The following STK40 variants were observed in gnomAD, a reference collection of about 807,000 sequenced individuals.
STK40 encodes the protein serine/threonine-protein kinase 40.
Under a neutral mutation model 47.9 loss-of-function variants are expected in STK40, and 13 were observed. The observed-to-expected ratio is 0.27, with a 90% CI of 0.18 to 0.43. The LOEUF (loss-of-function observed/expected upper bound fraction) is 0.43, where lower values mean the gene tolerates loss of function less well. Ranked by LOEUF, STK40 falls within the 20% of genes least tolerant of loss-of-function variation. The pLI, the probability that STK40 is intolerant of heterozygous loss-of-function variation, is 1.00. For missense variants in STK40, 460 were observed against 595.1 expected (o/e 0.77, Z 2.36); for synonymous variants, 225 against 243.2 (o/e 0.93, Z 0.69).
rs115127069 is a variant in STK40, at chr1:36,342,173, C to T, written c.1090-200G>A. Reference sequence around the variant, plus strand: ...ACCCCCTCCAGCCAACCTCAACTCCCCTTGCAGGCCGCCCTGCGGACCCGG... The same window carrying T: ...ACCCCCTCCAGCCAACCTCAACTCCTCTTGCAGGCCGCCCTGCGGACCCGG... On this transcript the variant is annotated intron_variant, in intron 10 of 10. Coordinates refer to ENST00000373132, the MANE Select transcript of STK40 (RefSeq NM_001282547.2). 2,457 of 595,978 alleles carry T rather than the reference C, an allele frequency of 4.1e-3. 49 individuals carry two copies. Among genetic ancestry groups the T allele is most frequent in the African/African-American group, 0.04 (2,161 of 53,870 alleles). 36.9% of individuals were successfully genotyped at this position (595,978 alleles called of 1,614,324 possible). A position where few individuals can be genotyped will look rare whatever the true frequency, so the allele number is the denominator to read the frequency against.
intron 3 of STK40, 130 bp downstream of exon 3, chr1:36,358,607 G>A (rs1488834200): frequency 8.6e-7 from 1 of 1,167,548 alleles, no homozygotes; most frequent in Non-Finnish European, 1.2e-6. Context: ...CTGTGAACTT[G>A]ATTGCTTCTC....
In STK40 at chr1:36,361,304, G is replaced by A. The variant is rs56314546; in HGVS notation, c.29C>T (p.Ala10Val). MKRRASDRG[A>V]GETSARAKAL... ...CTTGGCCCTGGCCGACGTTTCCCCA[G>A]CTCCTCTGTCTGATGCTCTCCGCTT... is the stretch of plus-strand genomic sequence containing the variant. The change falls in exon 2 of 11, where the codon GCT (alanine) becomes GTT (valine). Residue 10 changes from alanine to valine, a missense_variant. Physicochemically the swap from Ala to Val is moderately conservative, Grantham distance 64. This residue lies in a region of STK40 where 277 missense variants were observed against 358.7 expected (regional missense o/e 0.77). Transcript: ENST00000373132. The A allele has an allele frequency of 3.1e-4, 508 of 1,614,226 alleles. 1 individual carries two copies. Among genetic ancestry groups the A allele is most frequent in the Middle Eastern group, 9.9e-4 (6 of 6,062 alleles).
Position 36,348,919 on chromosome 1 carries a change from G to A in STK40, c.624-104C>T. On this transcript the variant is annotated intron_variant, in intron 6 of 10. Transcript: ENST00000373132. ...CTGGGCCAACACCCAATCCTGAACA[G>A]TAGGAGGTAGGCTTCTCGTCAGAGG... 4 of 943,928 alleles carry A rather than the reference G, an allele frequency of 4.2e-6. 1 individual carries two copies. In the South Asian group the frequency reaches 5.7e-5, roughly 13 times the overall value. 58.5% of individuals were successfully genotyped at this position (943,928 alleles called of 1,614,324 possible).
At chr1:36,368,233 C>T (rs2124744988) in intron 1 of STK40, 1 of 152,214 alleles carries the variant, frequency 6.6e-6, no homozygotes, top group African/African-American at 2.4e-5. Flanking sequence ...CATCACACAC[C>T]TCCTAACATG....
chr1:36,343,473 C>G (rs1646672615), intron 9 of STK40, 25 bp from the exon 10 acceptor site: 2 of 1,604,228 alleles, frequency 1.2e-6, no homozygotes, highest in African/African-American at 2.7e-5. Flanking sequence ...ACAGGTCAGG[C>G]TGGCCCCAGA....
intron 7 of STK40, among the ~76,000 whole-genome samples, chr1:36,347,657 C>CTT (rs563558488): frequency 2.9e-5 from 4 of 140,282 alleles, no homozygotes; most frequent in Non-Finnish European, 3.1e-5. Context: ...TTTTTTTTTT[C>CTT]TTTTTTTTTT....
chr1:36,384,220 G>C (rs1371466757), intron 1 of STK40, among the ~76,000 whole-genome samples: 1 of 152,026 alleles, frequency 6.6e-6, no homozygotes, highest in African/African-American at 2.4e-5. Flanking sequence ...AGTAGAGATG[G>C]GGTTTCACCA....
chr1:36,357,786 T>C (rs930752152), intron 4 of STK40, among the ~76,000 whole-genome samples: 3 of 151,982 alleles, frequency 2.0e-5, no homozygotes, highest in Admixed American at 6.6e-5. Context: ...CCAGCTAATT[T>C]TTGTATTTTT....
At chr1:36,349,901 G>A (rs562482192) in intron 6 of STK40, among the ~76,000 whole-genome samples, 2 of 152,150 alleles carry the variant, frequency 1.3e-5, no homozygotes, top group South Asian at 4.1e-4. Context: ...GAGAAGCTAG[G>A]GGGAGAAGCT....
chr1:36,360,951 T>C (rs1646846941), intron 2 of STK40, among the ~76,000 whole-genome samples: 1 of 152,198 alleles, frequency 6.6e-6, no homozygotes, highest in Non-Finnish European at 1.5e-5. Context: ...AGTCGGAGCC[T>C]AGCTATTGGC....
At chr1:36,354,154 C>G (rs1646782214) in intron 6 of STK40, among the ~76,000 whole-genome samples, 1 of 152,122 alleles carries the variant, frequency 6.6e-6, no homozygotes, top group Admixed American at 6.5e-5. Flanking sequence ...AAGTTCTTCC[C>G]AGAGCTCCCT....
intron 2 of STK40, among the ~76,000 whole-genome samples, chr1:36,360,056 T>G (rs1557514930): frequency 6.6e-6 from 1 of 152,202 alleles, no homozygotes; most frequent in East Asian, 1.9e-4. Context: ...TGGAACTTCC[T>G]TCAAGGCACT....
intron 1 of STK40, among the ~76,000 whole-genome samples, chr1:36,381,850 G>A (rs1647042279): frequency 1.3e-5 from 2 of 152,008 alleles, no homozygotes; most frequent in Admixed American, 6.6e-5. Flanking sequence ...CCTAGAGCTC[G>A]ATCACTTCTT....
At chr1:36,374,504 A>G (rs1274576675) in intron 1 of STK40, among the ~76,000 whole-genome samples, 1 of 152,254 alleles carries the variant, frequency 6.6e-6, no homozygotes, top group Admixed American at 6.5e-5. Flanking sequence ...GAGAGCCACC[A>G]GAGCAGAATC....
intron 1 of STK40, among the ~76,000 whole-genome samples, chr1:36,365,209 C>T (rs1026450740): frequency 7.2e-5 from 11 of 152,094 alleles, no homozygotes; most frequent in African/African-American, 1.4e-4. Context: ...AGGCTGGTCT[C>T]GAACTCCCGA....
At chr1:36,361,363 T>C (rs1395622510) in intron 1 of STK40, 23 bp from the exon 2 acceptor site, 2 of 1,613,600 alleles carry the variant, frequency 1.2e-6, no homozygotes, top group Non-Finnish European at 8.5e-7. Context: ...GAAAGACCCC[T>C]TCTCACTGAG....
At chr1:36,383,205 A>T (rs1647055608) in intron 1 of STK40, among the ~76,000 whole-genome samples, 1 of 152,158 alleles carries the variant, frequency 6.6e-6, no homozygotes, top group African/African-American at 2.4e-5. Context: ...CGGCCTCCTA[A>T]AGTGCTGGGA....
chr1:36,366,371 G>C (rs1029707259), intron 1 of STK40, among the ~76,000 whole-genome samples: 4 of 152,172 alleles, frequency 2.6e-5, no homozygotes, highest in Non-Finnish European at 4.4e-5. Flanking sequence ...AGATGCTTGT[G>C]GGGGAAGAGG....
At chr1:36,381,941 C>A (rs1219606688) in intron 1 of STK40, among the ~76,000 whole-genome samples, 1 of 152,096 alleles carries the variant, frequency 6.6e-6, no homozygotes, top group Non-Finnish European at 1.5e-5. Flanking sequence ...AGGAGCCTGC[C>A]CCTAGATCAC....
Sources: allele counts gnomAD v4.1 joint callset (sites outside exome capture counted in the v4.1 genomes callset), GRCh38; gene constraint gnomAD v4.1.1; regional missense constraint gnomAD v4.1.1; transcripts MANE v1.5; gene names NCBI Gene and HGNC (gene_info 2026-07-23, HGNC 2026-07-21).